The following SEMA3D variants were observed in gnomAD, a reference collection of about 807,000 sequenced individuals.
The protein encoded by SEMA3D is semaphorin-3D.
In SEMA3D, 84 loss-of-function variants were observed where a neutral mutation model predicts 100.1. That is an observed-to-expected ratio of 0.84 (90% CI 0.70 to 1.01). The LOEUF is 1.01. SEMA3D is among the 50% of genes least tolerant of loss of function. SEMA3D has a pLI of 0.00. For synonymous variants in SEMA3D, 312 were observed against 320.7 expected, an observed-to-expected ratio of 0.97 and a Z score of 0.29; for missense variants, 875 against 934.1, an observed-to-expected ratio of 0.94 and a Z score of 0.82.
At chr7:85,065,360 A>G in intron 8 of SEMA3D, 64 bp downstream of exon 8, 1 of 1,410,580 alleles carries the variant, frequency 7.1e-7, no homozygotes. Flanking sequence ...GAATAATAAT[A>G]CACTTCTTAT....
chr7:85,116,493 G>T (rs1289333265), intron 3 of SEMA3D, among the ~76,000 whole-genome samples: 3 of 149,424 alleles, frequency 2.0e-5, no homozygotes, highest in Non-Finnish European at 4.4e-5. Context: ...TTATATAGGT[G>T]TATATATGTA....
chr7:85,018,327 T>A (rs1355113492), intron 14 of SEMA3D, 34 bp from the exon 15 acceptor site: 4 of 1,374,540 alleles, frequency 2.9e-6, no homozygotes, highest in African/African-American at 1.4e-5. Flanking sequence ...ATAAAGATAA[T>A]CATTAACAGG....
At chr7:85,158,288 T>A (rs1267923175) in intron 1 of SEMA3D, among the ~76,000 whole-genome samples, 1 of 152,162 alleles carries the variant, frequency 6.6e-6, no homozygotes, top group Non-Finnish European at 1.5e-5. Context: ...ATTGCTGAAT[T>A]CTTTTTCTCA....
intron 11 of SEMA3D, among the ~76,000 whole-genome samples, chr7:85,040,034 T>A (rs1390716085): frequency 6.9e-6 from 1 of 144,918 alleles, no homozygotes; most frequent in Non-Finnish European, 1.5e-5. Flanking sequence ...TGGAGTGCAG[T>A]GGTACCATCA....
intron 1 of SEMA3D, among the ~76,000 whole-genome samples, chr7:85,176,936 A>C (rs1187561203): frequency 2.0e-5 from 3 of 152,112 alleles, no homozygotes; most frequent in Non-Finnish European, 4.4e-5. Context: ...TATCTTTTCT[A>C]TGTTTAGTTA....
chr7:85,095,830 T>C (rs562895134), intron 4 of SEMA3D, among the ~76,000 whole-genome samples: 3 of 152,080 alleles, frequency 2.0e-5, no homozygotes, highest in Non-Finnish European at 4.4e-5. Context: ...TATCATAAGA[T>C]AAATTGATAC....
At chr7:85,123,304 A>G (rs1306199631) in intron 2 of SEMA3D, among the ~76,000 whole-genome samples, 1 of 152,186 alleles carries the variant, frequency 6.6e-6, no homozygotes, top group East Asian at 1.9e-4. Context: ...AATAGGCCAC[A>G]GGACCAATAA....
At chr7:85,132,390 A>G (rs1410649441) in intron 2 of SEMA3D, among the ~76,000 whole-genome samples, 1 of 151,948 alleles carries the variant, frequency 6.6e-6, no homozygotes, top group Non-Finnish European at 1.5e-5. Flanking sequence ...AAATACTTTT[A>G]ATAACATTTT....
chr7:85,219,028 TTC>T, the SEMA3D span, among the ~76,000 whole-genome samples: 1 of 152,128 alleles, frequency 6.6e-6, no homozygotes, highest in African/African-American at 2.4e-5. Context: ...TCCCCTTTGT[TTC>T]TTAACCATGA....
chr7:85,183,996 T>G (rs1378317435), intron 1 of SEMA3D, among the ~76,000 whole-genome samples: 1 of 152,146 alleles, frequency 6.6e-6, no homozygotes, highest in Admixed American at 6.5e-5. Flanking sequence ...TTTTTTTTCC[T>G]TTACGGACAT....
intron 6 of SEMA3D, among the ~76,000 whole-genome samples, chr7:85,068,753 T>A (rs565572879): frequency 2.0e-5 from 3 of 152,116 alleles, no homozygotes; most frequent in African/African-American, 7.2e-5. Flanking sequence ...AACCCTGTAA[T>A]AGTTTTTAAA....
intron 2 of SEMA3D, among the ~76,000 whole-genome samples, chr7:85,135,474 G>A (rs1267887322): frequency 6.6e-6 from 1 of 151,754 alleles, no homozygotes; most frequent in Non-Finnish European, 1.5e-5. Context: ...TTGAACACAG[G>A]AAGGGGAACA....
intron 17 of SEMA3D, among the ~76,000 whole-genome samples, chr7:85,009,613 T>C (rs1409891151): frequency 6.6e-6 from 1 of 151,640 alleles, no homozygotes; most frequent in Non-Finnish European, 1.5e-5. Context: ...TTCTGAGCAA[T>C]ATGAAATAGC....
At position 85,108,940 on chromosome 7, in the gene SEMA3D, GA is replaced by G. The variant is rs958268640; in HGVS notation, c.152-10976del. 1.8e-4 allele frequency among the ~76,000 whole-genome samples: 27 copies of G among 146,870 alleles called. No homozygotes were observed. In the East Asian group the frequency reaches 4.0e-3, roughly 22 times the overall value. On this transcript the variant is annotated intron_variant, in intron 3 of 18. Coordinates refer to ENST00000284136, the MANE Select transcript of SEMA3D (RefSeq NM_001384900.1). The stretch of plus-strand genomic sequence containing the variant: ...ACAATAATTTAACATGCATTTACTT[GA>G]AAAAAAAAGGTGTCAAGATGAGGAC...
At chr7:85,217,270 G>A in the SEMA3D span, among the ~76,000 whole-genome samples, 4 of 151,960 alleles carry the variant, frequency 2.6e-5, no homozygotes, top group African/African-American at 9.7e-5. Flanking sequence ...CTCAGTGATA[G>A]CTGCATATGC....
intron 18 of SEMA3D, among the ~76,000 whole-genome samples, chr7:85,001,546 T>A (rs116577146): frequency 6.6e-6 from 1 of 152,086 alleles, no homozygotes; most frequent in South Asian, 2.1e-4. Context: ...TTTTTTCCCT[T>A]AGATAATTTC....
chr7:85,166,217 A>T lies in SEMA3D; in HGVS notation c.-172-12478T>A, dbSNP rs189492883. On this transcript the variant is annotated intron_variant, in intron 1 of 18. Transcript: ENST00000284136. ...ACTTAATGTTGTTAGTTTTGCTTAA[A>T]TTATGTATTTTTCTACACGATGTTG... Among the ~76,000 whole-genome samples, 368 of 152,166 alleles carry T rather than the reference A, an allele frequency of 2.4e-3. 3 individuals are homozygous for T. Among genetic ancestry groups the T allele is most frequent in the Middle Eastern group, 0.017 (5 of 294 alleles).
intron 14 of SEMA3D, among the ~76,000 whole-genome samples, chr7:85,019,672 A>G (rs1790200896): frequency 6.6e-6 from 1 of 151,742 alleles, no homozygotes. Context: ...TTTACAAAGC[A>G]TGCCACAATT....
chr7:85,019,523 GA>G (rs1209348518), intron 14 of SEMA3D, among the ~76,000 whole-genome samples: 5 of 151,562 alleles, frequency 3.3e-5, no homozygotes, highest in African/African-American at 4.8e-5. Flanking sequence ...TATTTACATG[GA>G]AACAATCCAT....
Sources: gnomAD v4.1 joint callset for allele counts (sites outside exome capture counted in the v4.1 genomes callset) on GRCh38, gnomAD v4.1.1 for gene constraint, MANE v1.5 for transcripts, NCBI Gene and HGNC (gene_info 2026-07-23, HGNC 2026-07-21) for gene names.